The following PRKAA1 variants were observed in gnomAD, a reference collection of about 807,000 sequenced individuals.
The protein encoded by PRKAA1 is 5'-AMP-activated protein kinase catalytic subunit alpha-1.
PRKAA1 carries 23 observed loss-of-function variants against 56.9 expected under a neutral mutation model. The ratio of observed to expected loss-of-function variants is 0.40; its 90% CI spans 0.29 to 0.57. PRKAA1 has a LOEUF of 0.57. PRKAA1 is among the 20% of genes least tolerant of loss of function. The pLI is 0.39. For synonymous variants in PRKAA1, 226 were observed against 227.0 expected (o/e 1.00, Z 0.04); for missense variants, 413 against 679.7 (o/e 0.61, Z 4.36).
chr5:40,762,087 A>G lies in PRKAA1; in HGVS notation c.*691T>C, dbSNP rs1334230318. 2 of 152,230 alleles carry G rather than the reference A, an allele frequency of 1.3e-5. No individual in the cohort carries two copies. Among genetic ancestry groups the G allele is most frequent in the Non-Finnish European group, 2.9e-5 (2 of 68,106 alleles). 9.4% of individuals were successfully genotyped at this position (152,230 alleles called of 1,614,324 possible). ...GGAGTTCGAGACCAGCCTGGGCAAC[A>G]TAGTGAAACCCCGTCTACACTAAAA... On this transcript the variant is annotated 3_prime_UTR_variant, in exon 9 of 9. Transcript: ENST00000397128.
intron 5 of PRKAA1, 119 bp from the exon 6 acceptor site, chr5:40,767,809 C>G (rs1193274331): frequency 1.2e-6 from 1 of 809,728 alleles, no homozygotes; most frequent in East Asian, 2.7e-5. Flanking sequence ...GTTTTTATAG[C>G]CACTACTACA....
At chr5:40,785,699 T>C (rs558233985) in intron 1 of PRKAA1, among the ~76,000 whole-genome samples, 28 of 152,260 alleles carry the variant, frequency 1.8e-4, no homozygotes, top group Non-Finnish European at 3.5e-4. Flanking sequence ...AATCTCTGAT[T>C]GTTATCTTAT....
chr5:40,776,709 T>G (rs914774433), intron 2 of PRKAA1, among the ~76,000 whole-genome samples: 1 of 152,206 alleles, frequency 6.6e-6, no homozygotes, highest in Non-Finnish European at 1.5e-5. Context: ...TTTTGAAACC[T>G]TGGATTCCTG....
At chr5:40,764,369 A>G (rs1461442946) in intron 8 of PRKAA1, 145 bp downstream of exon 8, 1 of 725,306 alleles carries the variant, frequency 1.4e-6, no homozygotes, top group African/African-American at 1.8e-5. Flanking sequence ...AAATGTTAAT[A>G]TTGCAAAGGC....
intron 1 of PRKAA1, among the ~76,000 whole-genome samples, chr5:40,779,995 G>C (rs556923771): frequency 1.3e-5 from 2 of 152,212 alleles, no homozygotes; most frequent in East Asian, 3.9e-4. Flanking sequence ...ACATAGCATA[G>C]CAAATTGGCA....
rs1743647725 is a variant in PRKAA1 at position 40,769,903 on chromosome 5, A to T, written c.509-400T>A. On this transcript the variant is annotated intron_variant, in intron 4 of 8. Coordinates refer to ENST00000397128, the MANE Select transcript of PRKAA1 (RefSeq NM_006251.6). ...TAAAAAAAAAAAAAAAAAAAAAAAC[A>T]GTAATTTTGAATTTCAAAGTTCCCT... Among the ~76,000 whole-genome samples, 11 of 145,212 alleles carry T rather than the reference A, an allele frequency of 7.6e-5. No homozygotes were observed. In the South Asian group the frequency reaches 2.4e-3, roughly 32 times the overall value.
At chr5:40,784,148 C>T (rs1257374428) in intron 1 of PRKAA1, among the ~76,000 whole-genome samples, 3 of 152,112 alleles carry the variant, frequency 2.0e-5, no homozygotes, top group African/African-American at 7.2e-5. Flanking sequence ...TATTTATTTT[C>T]CACTGCTCCC....
At chr5:40,778,905 C>A (rs1045530985) in intron 1 of PRKAA1, among the ~76,000 whole-genome samples, 1 of 150,950 alleles carries the variant, frequency 6.6e-6, no homozygotes, top group African/African-American at 2.4e-5. Context: ...AGGTGATCCT[C>A]CCATCTCAGC....
At chr5:40,778,372 T>C (rs1744113564) in intron 1 of PRKAA1, among the ~76,000 whole-genome samples, 1 of 152,240 alleles carries the variant, frequency 6.6e-6, no homozygotes, top group Non-Finnish European at 1.5e-5. Flanking sequence ...AATGTTCAGA[T>C]GTTTAAGAGT....
chr5:40,789,867 T>C (rs1043592167), intron 1 of PRKAA1, among the ~76,000 whole-genome samples: 1 of 152,262 alleles, frequency 6.6e-6, no homozygotes, highest in East Asian at 1.9e-4. Flanking sequence ...TGTATACATG[T>C]ATCAAAACAT....
At chr5:40,785,509 G>A (rs1453443075) in intron 1 of PRKAA1, among the ~76,000 whole-genome samples, 2 of 151,942 alleles carry the variant, frequency 1.3e-5, no homozygotes, top group Admixed American at 6.6e-5. Flanking sequence ...CCAAAGTGCT[G>A]GGATTACAGG....
At chr5:40,773,908 G>A (rs1326448002) in intron 3 of PRKAA1, among the ~76,000 whole-genome samples, 1 of 152,164 alleles carries the variant, frequency 6.6e-6, no homozygotes, top group Non-Finnish European at 1.5e-5. Context: ...GAAAACATGG[G>A]GGCTAAGACA....
intron 5 of PRKAA1, 89 bp from the exon 6 acceptor site, chr5:40,767,779 G>T (rs1743534958): frequency 1.3e-5 from 15 of 1,112,622 alleles, no homozygotes; most frequent in African/African-American, 1.6e-5. Context: ...ATTTCATAAA[G>T]AATTCTTAAG....
At position 40,769,429 on chromosome 5, in the gene PRKAA1, C is replaced by T. The variant is rs1046709838; in HGVS notation, c.583G>A (p.Val195Ile). 2 of 1,607,278 alleles carry T rather than the reference C, an allele frequency of 1.2e-6. No homozygotes were observed. The highest frequency in any genetic ancestry group is 8.5e-7 in the Non-Finnish European group (1 of 1,175,542). Residue 195 changes from valine (V) to isoleucine (I), a missense_variant, in exon 5 of 9, where the codon GTA becomes ATA. By Grantham distance (29) the Val-to-Ile change is conservative. Coordinates refer to ENST00000397128, the MANE Select transcript of PRKAA1 (RefSeq NM_006251.6). ...ATCAAATACTACCTTCCTGAAATTA[C>T]TTCTGGTGCAGCATAGTTGGGTGAG... ...CGSPNYAAPE[V>I]ISGRLYAGPE...
Position 40,798,103 on chromosome 5 carries a change from C to G in PRKAA1, c.87G>C (p.Leu29=), listed in dbSNP as rs1390692637. 6.2e-7 allele frequency: 1 copy of G among 1,608,970 alleles called. No individual in the cohort carries two copies. The highest frequency in any genetic ancestry group is 8.5e-7 in the Non-Finnish European group (1 of 1,177,292). Residue 29 remains leucine, a synonymous_variant, in exon 1 of 9, where the codon CTG becomes CTC. Transcript: ENST00000397128. Reference sequence around the variant, plus strand: ...AGGTGCCGACCCCCAGCGTGTCACCCAGAATGTAGTGGCCGATCTTCACCC... The same window carrying G: ...AGGTGCCGACCCCCAGCGTGTCACCGAGAATGTAGTGGCCGATCTTCACCC... ...DGRVKIGHYI[L]GDTLGVGTFG...
At chr5:40,780,778 C>G (rs184916435) in intron 1 of PRKAA1, among the ~76,000 whole-genome samples, 66 of 152,256 alleles carry the variant, frequency 4.3e-4, no homozygotes, top group African/African-American at 1.6e-3. Context: ...TCTCTGGGCC[C>G]CCAGCAGATT....
intron 1 of PRKAA1, among the ~76,000 whole-genome samples, chr5:40,793,927 C>A (rs963043206): frequency 6.6e-6 from 1 of 152,102 alleles, no homozygotes; most frequent in African/African-American, 2.4e-5. Flanking sequence ...CATGATGAAA[C>A]CCCATCTCTA....
At chr5:40,787,974 T>C (rs1332645554) in intron 1 of PRKAA1, among the ~76,000 whole-genome samples, 2 of 152,140 alleles carry the variant, frequency 1.3e-5, no homozygotes, top group Non-Finnish European at 2.9e-5. Context: ...AGGACACTCA[T>C]AGACTGAAAA....
chr5:40,775,960 G>A (rs1743983874), intron 2 of PRKAA1, among the ~76,000 whole-genome samples: 1 of 152,198 alleles, frequency 6.6e-6, no homozygotes, highest in Non-Finnish European at 1.5e-5. Flanking sequence ...GGTGTTAACT[G>A]CAGGCCAGAA....
Sources: gnomAD v4.1 joint callset for allele counts (sites outside exome capture counted in the v4.1 genomes callset) on GRCh38, gnomAD v4.1.1 for gene constraint, MANE v1.5 for transcripts, NCBI Gene and HGNC (gene_info 2026-07-23, HGNC 2026-07-21) for gene names.